The following MELTF variants were observed in gnomAD, a reference collection of about 807,000 sequenced individuals.
MELTF encodes melanotransferrin, also known as antigen p97 (melanoma associated) identified by monoclonal antibodies 133.2 and 96.5.
Under a neutral mutation model 83.7 loss-of-function variants are expected in MELTF, and 67 were observed. That is an observed-to-expected ratio of 0.80 (90% CI 0.66 to 0.98). The LOEUF is 0.98. Among genes scored for constraint, MELTF ranks in the 50% least tolerant of loss-of-function variants. The pLI, the probability that MELTF is intolerant of heterozygous loss-of-function variation, is 0.00. For synonymous variants in MELTF, 462 were observed against 447.6 expected (o/e 1.03, Z -0.41); for missense variants, 1,002 against 1,035.6 (o/e 0.97, Z 0.44).
intron 6 of MELTF, among the ~76,000 whole-genome samples, chr3:197,018,152 C>G (rs1008400561): frequency 1.3e-5 from 2 of 152,120 alleles, no homozygotes; most frequent in African/African-American, 4.8e-5. Context: ...ACCTCACCCC[C>G]CCTTTTTCTT....
In MELTF at chr3:197,027,825, T is replaced by C. The variant is rs201549520; in HGVS notation, c.135A>G (p.Glu45=). Residue 45 remains glutamate (E), a synonymous_variant, in exon 2 of 16, where the codon GAA becomes GAG. Transcript: ENST00000296350. The part of the protein sequence containing the change: ...KCGNMSEAFR[E]AGIQPSLLCV... ...AGAGGAGGGAGGGCTGGATGCCCGC[T>C]TCCCGGAAGGCCTCGCTCATGTTGC... 9.3e-6 allele frequency: 15 copies of C among 1,611,542 alleles called. No individual in the cohort carries two copies. The East Asian group carries it at 3.3e-4, about 36-fold the overall frequency.
In MELTF at chr3:197,002,231, C is replaced by T. The variant is rs1043866178; in HGVS notation, c.*1141G>A. ...GGCCTGTCACCAGCATCCCCGAGCCCCCGCAGACCGGAATGCAAATGGCTC... is the reference window on the plus strand; with the variant it reads ...GGCCTGTCACCAGCATCCCCGAGCCTCCGCAGACCGGAATGCAAATGGCTC... On this transcript the variant is annotated 3_prime_UTR_variant, in exon 16 of 16. Transcript: ENST00000296350. 1 of 152,266 alleles carries T rather than the reference C, an allele frequency of 6.6e-6. No individual in the cohort carries two copies. The highest frequency in any genetic ancestry group is 2.4e-5 in the African/African-American group (1 of 41,466). The allele number at this position is 152,266 out of a possible 1,614,324, so 9.4% of individuals were successfully genotyped here.
Position 197,017,124 on chromosome 3 carries a change from G to GA in MELTF, c.878dup (p.Arg294ProfsTer23). ...CCACCTGGCCTTCGTTGAGCAGCCGGAAGATGAGGCCCCCATCTGTGTCGG... is the reference window on the plus strand; with the variant it reads ...CCACCTGGCCTTCGTTGAGCAGCCGGAAAGATGAGGCCCCCATCTGTGTCGG... On this transcript the variant is annotated frameshift_variant, in exon 7 of 16. Transcript: ENST00000296350. LOFTEE classifies it high-confidence loss of function. 1.9e-6 allele frequency: 3 copies of GA among 1,612,416 alleles called. No homozygotes were observed. The highest frequency in any genetic ancestry group is 2.5e-6 in the Non-Finnish European group (3 of 1,179,726).
chr3:197,019,429 A>G, intron 6 of MELTF: 1 of 1,389,970 alleles, frequency 7.2e-7, no homozygotes, highest in East Asian at 2.4e-5. Context: ...ACTCCCTTAG[A>G]TTGCCTCAGA....
In MELTF at chr3:197,012,933, C is replaced by T. The variant is rs530531536; in HGVS notation, c.1234-2139G>A. On this transcript the variant is annotated intron_variant, in intron 9 of 15. Transcript: ENST00000296350. ...CATATCTCTGTATATAAAGGACATA[C>T]ATTTTTAAATTTCTATCTGAAAGAA... Among the ~76,000 whole-genome samples the T allele has an allele frequency of 2.9e-3, 447 of 152,344 alleles. 1 individual carries two copies. The highest frequency in any genetic ancestry group is 0.016 in the South Asian group (78 of 4,832).
chr3:197,016,081 G>T, intron 8 of MELTF, 108 bp downstream of exon 8: 2 of 978,310 alleles, frequency 2.0e-6, no homozygotes, highest in Non-Finnish European at 2.9e-6. Context: ...GGTTCCCGCA[G>T]AGGCCTCCCT....
intron 5 of MELTF, among the ~76,000 whole-genome samples, chr3:197,021,985 C>G (rs935071212): frequency 1.3e-5 from 2 of 152,194 alleles, no homozygotes; most frequent in Non-Finnish European, 2.9e-5. Flanking sequence ...TCCAAAGTAG[C>G]TGGGGTGACA....
chr3:197,023,222 G>A, intron 4 of MELTF, 109 bp from the exon 5 acceptor site: 1 of 1,112,008 alleles, frequency 9.0e-7, no homozygotes, highest in Non-Finnish European at 1.3e-6. Context: ...TGCTGAGAAT[G>A]GTTCCACCTT....
At chr3:197,015,128 CT>C (rs1341084919) in intron 9 of MELTF, among the ~76,000 whole-genome samples, 5 of 152,200 alleles carry the variant, frequency 3.3e-5, no homozygotes, top group Non-Finnish European at 7.3e-5. Flanking sequence ...GGACTCACCC[CT>C]ATCTGCCTGT....
At position 197,003,231 on chromosome 3, in the gene MELTF, G is replaced by T; in HGVS notation, c.*141C>A. 1 of 937,798 alleles carries T rather than the reference G, an allele frequency of 1.1e-6. No homozygotes were observed. Among genetic ancestry groups the T allele is most frequent in the Non-Finnish European group, 1.3e-6 (1 of 779,742 alleles). 58.1% of individuals were successfully genotyped at this position (937,798 alleles called of 1,614,324 possible). A position where few individuals can be genotyped will look rare whatever the true frequency, so the allele number is the denominator to read the frequency against. ...GGTAGCAGCGCCAGGTGGCGCCCGT[G>T]GGCGGCGGGGCTCCCGGGGAGGCGC... On this transcript the variant is annotated 3_prime_UTR_variant, in exon 16 of 16. Coordinates refer to ENST00000296350, the MANE Select transcript of MELTF (RefSeq NM_005929.6). The surrounding 1 kb of genome is among the most constrained non-coding windows in gnomAD (Gnocchi z 6.2).
chr3:197,021,016 C>T (rs1560220604), intron 6 of MELTF, among the ~76,000 whole-genome samples: 1 of 152,180 alleles, frequency 6.6e-6, no homozygotes, highest in Non-Finnish European at 1.5e-5. Flanking sequence ...GACAAATTCT[C>T]CAGGCAAGAG....
chr3:197,014,182 A>G (rs1431545908), intron 9 of MELTF, among the ~76,000 whole-genome samples: 1 of 152,222 alleles, frequency 6.6e-6, no homozygotes, highest in Non-Finnish European at 1.5e-5. Flanking sequence ...GCCATAAAAA[A>G]GAATGAAATC....
intron 3 of MELTF, chr3:197,025,447 C>T (rs1719814276): frequency 6.6e-6 from 1 of 152,294 alleles, no homozygotes; most frequent in Admixed American, 6.5e-5. Context: ...GAGCACCGTC[C>T]TGCCTGCTCT....
intron 14 of MELTF, among the ~76,000 whole-genome samples, chr3:197,005,045 C>T (rs1210636188): frequency 6.6e-6 from 1 of 152,180 alleles, no homozygotes; most frequent in South Asian, 2.1e-4. Flanking sequence ...TAGGAACAGG[C>T]CTGGCGAGCC....
intron 2 of MELTF, 40 bp downstream of exon 2, chr3:197,027,716 C>T (rs1248126824): frequency 6.3e-7 from 1 of 1,580,308 alleles, no homozygotes; most frequent in Non-Finnish European, 8.6e-7. Context: ...TCCTGAGTCA[C>T]AGCCCTCTTG....
chr3:197,012,440 G>A (rs75576688), intron 9 of MELTF, among the ~76,000 whole-genome samples: 4,840 of 152,352 alleles, frequency 0.032, 146 homozygotes, highest in African/African-American at 0.071. Flanking sequence ...GTCAGCTTGC[G>A]CGATGGTCAT....
At chr3:197,021,377 CT>C (rs747117308) in intron 6 of MELTF, 26 bp downstream of exon 6, 8 of 1,613,168 alleles carry the variant, frequency 5.0e-6, no homozygotes, top group Non-Finnish European at 6.8e-6. Flanking sequence ...CCCTGCTCCT[CT>C]GGGCCCGTGC....
Position 197,026,743 on chromosome 3 carries a change from G to T in MELTF, c.221C>A (p.Ala74Asp). 1 of 1,612,748 alleles carries T rather than the reference G, an allele frequency of 6.2e-7. No homozygotes were observed. The change falls in exon 3 of 16, where the codon GCC becomes GAC. Residue 74 changes from alanine (A) to aspartate (D), a missense_variant. Physicochemically the swap from Ala to Asp is moderately radical, Grantham distance 126. Transcript: ENST00000296350. ...VQLIAAQEAD[A>D]ITLDGGAIYE... ...GATGGCTCCTCCATCCAGAGTGATG[G>T]CGTCAGCCTCCTGGGCCTGCAAGGA...
chr3:197,016,515 C>T lies in MELTF; in HGVS notation c.901-146G>A, dbSNP rs150129888. The T allele has an allele frequency of 3.0e-4, 201 of 664,548 alleles. No homozygotes were observed. In the African/African-American group the frequency reaches 3.3e-3, roughly 11 times the overall value. 41.2% of individuals were successfully genotyped at this position (664,548 alleles called of 1,614,324 possible). On this transcript the variant is annotated intron_variant, in intron 7 of 15. Transcript: ENST00000296350. ...CAGGTGAGGCCTCCCTCTTCTGCGG[C>T]GCCTCCCCTGATCTGCGGCCTCCTT...
Sources: gnomAD v4.1 joint callset for allele counts (sites outside exome capture counted in the v4.1 genomes callset) on GRCh38, gnomAD v4.1.1 for gene constraint, Gnocchi (gnomAD v3.1) non-coding constraint, MANE v1.5 for transcripts, NCBI Gene and HGNC (gene_info 2026-07-23, HGNC 2026-07-21) for gene names.